Variants in PUDP observed in about 807,000 individuals in gnomAD.
PUDP encodes the protein pseudouridine 5'-phosphatase, also known as pseudouridine-5'-phosphatase.
A neutral mutation model predicts 9.4 loss-of-function variants in PUDP; 8 were observed. The observed-to-expected ratio is 0.85, with a 90% CI of 0.50 to 1.53. The LOEUF is 1.53. PUDP is among the 40% of genes most tolerant of loss of function. The pLI is 0.00. For missense variants in PUDP, 188 were observed against 189.7 expected (o/e 0.99, Z 0.05); for synonymous variants, 99 against 80.7 (o/e 1.23, Z -1.22).
chrX:6,997,232 T>C (rs1929264540), intron 1 of PUDP, among the ~76,000 whole-genome samples: 1 of 111,881 alleles, frequency 8.9e-6, no homozygotes, highest in Non-Finnish European at 1.9e-5. Flanking sequence ...AAAATAGCTA[T>C]CAATAATCAT....
chrX:6,861,448 T>C (rs1224715682), intron 3 of PUDP, among the ~76,000 whole-genome samples: 1 of 112,091 alleles, frequency 8.9e-6, no homozygotes, highest in Non-Finnish European at 1.9e-5. Context: ...AGAAATTCCA[T>C]CACATGACAC....
intron 3 of PUDP, among the ~76,000 whole-genome samples, chrX:7,076,197 C>T (rs1313980511): frequency 3.6e-5 from 4 of 112,106 alleles, no homozygotes; most frequent in Non-Finnish European, 7.5e-5. Flanking sequence ...GGTAGCTCCG[C>T]TTTATTGGGA....
intron 2 of PUDP, among the ~76,000 whole-genome samples, chrX:7,087,103 T>C (rs1931286297): frequency 9.0e-6 from 1 of 111,684 alleles, no homozygotes; most frequent in African/African-American, 3.3e-5. Context: ...CCCCACAAAA[T>C]TCATGTTCAC....
At chrX:6,904,830 G>A (rs1266524290) in intron 3 of PUDP, among the ~76,000 whole-genome samples, 1 of 112,491 alleles carries the variant, frequency 8.9e-6, no homozygotes. Context: ...GGCAGCCCAG[G>A]AGGGAGAGAA....
intron 3 of PUDP, among the ~76,000 whole-genome samples, chrX:6,838,227 A>G (rs1343958512): frequency 8.9e-6 from 1 of 112,702 alleles, no homozygotes; most frequent in Non-Finnish European, 1.9e-5. Context: ...GAAAATCCTC[A>G]GATAATTTGT....
intron 1 of PUDP, among the ~76,000 whole-genome samples, chrX:7,129,061 G>C (rs1232501448): frequency 8.9e-6 from 1 of 111,868 alleles, no homozygotes; most frequent in African/African-American, 3.3e-5. Context: ...TAGTCCTCAT[G>C]GGGGAGGAAA....
chrX:7,090,081 C>T (rs761585980), intron 2 of PUDP, among the ~76,000 whole-genome samples: 39 of 111,318 alleles, frequency 3.5e-4, no homozygotes, highest in Non-Finnish European at 4.9e-4. Context: ...GAAACGGAAT[C>T]CAAAAATCCC....
chrX:7,064,159 C>T (rs1177034115), intron 3 of PUDP, among the ~76,000 whole-genome samples: 1 of 111,402 alleles, frequency 9.0e-6, no homozygotes. Context: ...GAACTTCCTT[C>T]TCATAAAAAG....
chrX:6,910,129 C>A (rs942562675), intron 3 of PUDP, among the ~76,000 whole-genome samples: 1 of 111,768 alleles, frequency 8.9e-6, no homozygotes, highest in African/African-American at 3.3e-5. Context: ...TCCTGCAGCA[C>A]GGAAGATGGA....
At chrX:7,124,755 G>A (rs1399560123) in intron 1 of PUDP, among the ~76,000 whole-genome samples, 1 of 110,831 alleles carries the variant, frequency 9.0e-6, no homozygotes, top group Non-Finnish European at 1.9e-5. Context: ...GACCATCCTG[G>A]CTAACACGGT....
In PUDP at chrX:7,077,280, T is replaced by C. The variant is rs1192330286; in HGVS notation, c.450A>G (p.Pro150=). ...CACAAGCTAGGAAGATGTCCGGGTC[T>C]GGCTTGCCATGCTGCACTTCGGGGT... ...GDDPEVQHGK[P]DPDIFLACAK... is the part of the protein sequence containing the mutation. Residue 150 remains proline, a synonymous_variant, in exon 3 of 4, where the codon CCA becomes CCG. Transcript: ENST00000381077. 8.3e-7 allele frequency: 1 copy of C among 1,205,357 alleles called. No homozygotes were observed. The highest frequency in any genetic ancestry group is 2.2e-5 in the Admixed American group (1 of 45,057).
chrX:6,841,922 T>G (rs1469720604), intron 3 of PUDP, among the ~76,000 whole-genome samples: 1 of 110,701 alleles, frequency 9.0e-6, no homozygotes, highest in Admixed American at 9.6e-5. Flanking sequence ...GGGGGTTATG[T>G]GTGTGTATGT....
chrX:7,103,042 T>C (rs754079171), intron 2 of PUDP, among the ~76,000 whole-genome samples: 1 of 111,778 alleles, frequency 8.9e-6, no homozygotes, highest in Non-Finnish European at 1.9e-5. Context: ...AAAATCCCAA[T>C]GGCATTTTGA....
chrX:6,857,024 T>A (rs6529987), intron 3 of PUDP, among the ~76,000 whole-genome samples: 46,972 of 111,627 alleles, frequency 0.42, 8,501 homozygotes, highest in Non-Finnish European at 0.57. Context: ...CTGTTATGAA[T>A]TACAGATATA....
At chrX:7,054,817 G>A (rs1010112998) in intron 3 of PUDP, among the ~76,000 whole-genome samples, 5 of 111,945 alleles carry the variant, frequency 4.5e-5, no homozygotes, top group African/African-American at 1.6e-4. Flanking sequence ...TGATCAAGAT[G>A]GAATTTGAAA....
At position 6,933,371 on chromosome X, in the gene PUDP, A is replaced by G. The variant is rs184512768; in HGVS notation, c.*247+43762T>C. 2.5e-3 allele frequency among the ~76,000 whole-genome samples: 276 copies of G among 111,861 alleles called. 3 individuals are homozygous for G. The highest frequency in any genetic ancestry group is 7.7e-3 in the African/African-American group (238 of 30,762). On this transcript the variant is annotated intron_variant and NMD_transcript_variant, in intron 3 of 3. Coordinates refer to the PUDP transcript ENST00000655425. Reference sequence around the variant, plus strand: ...AAACACCGCTGCGGATACCCAGGCAAACAGGTCTGGAGTGGACCTCTAGCA... The same window carrying G: ...AAACACCGCTGCGGATACCCAGGCAGACAGGTCTGGAGTGGACCTCTAGCA...
intron 1 of PUDP, among the ~76,000 whole-genome samples, chrX:6,717,922 G>C (rs1924618188): frequency 9.0e-6 from 1 of 111,661 alleles, no homozygotes; most frequent in Non-Finnish European, 1.9e-5. Context: ...ATCTCATTGT[G>C]GTTTTAATTT....
chrX:6,749,717 A>G (rs1736227676), intron 3 of PUDP, among the ~76,000 whole-genome samples: 1 of 112,065 alleles, frequency 8.9e-6, no homozygotes, highest in Non-Finnish European at 1.9e-5. Context: ...CTGTAACCAC[A>G]GATCTCATTT....
chrX:6,858,069 C>A (rs781534460), intron 3 of PUDP, among the ~76,000 whole-genome samples: 18 of 111,455 alleles, frequency 1.6e-4, no homozygotes, highest in Middle Eastern at 4.6e-3. Flanking sequence ...TTTCATCTGC[C>A]TGACCTCTGG....
Sources: allele counts gnomAD v4.1 joint callset (sites outside exome capture counted in the v4.1 genomes callset), GRCh38; gene constraint gnomAD v4.1.1; transcripts MANE v1.5; gene names NCBI Gene and HGNC (gene_info 2026-07-23, HGNC 2026-07-21).